The following CAST variants were observed in gnomAD, a reference collection of about 807,000 sequenced individuals.
CAST encodes MIR583 host.
Under a neutral mutation model 119.6 loss-of-function variants are expected in CAST, and 76 were observed. That is an observed-to-expected ratio of 0.64 (90% CI 0.53 to 0.77). The LOEUF (loss-of-function observed/expected upper bound fraction) is 0.77. Among genes scored for constraint, CAST ranks in the 30% least tolerant of loss-of-function variants. CAST has a pLI of 0.00. For missense variants in CAST, 953 were observed against 946.5 expected, an observed-to-expected ratio of 1.01 and a Z score of -0.09; for synonymous variants, 319 against 331.6, an observed-to-expected ratio of 0.96 and a Z score of 0.41.
At chr5:96,397,032 T>C in the CAST span, among the ~76,000 whole-genome samples, 1 of 152,224 alleles carries the variant, frequency 6.6e-6, no homozygotes, top group Non-Finnish European at 1.5e-5. Context: ...TTTTGTTGGC[T>C]GAATAGGTTA....
chr5:96,543,739 T>A (rs1330512100), intron 1 of CAST, among the ~76,000 whole-genome samples: 1 of 152,226 alleles, frequency 6.6e-6, no homozygotes, highest in South Asian at 2.1e-4. Context: ...CATGTATGCC[T>A]ATGATCCATT....
At chr5:96,403,793 G>T in the CAST span, among the ~76,000 whole-genome samples, 8 of 152,090 alleles carry the variant, frequency 5.3e-5, no homozygotes, top group Non-Finnish European at 8.8e-5. Flanking sequence ...TTCTAACTTG[G>T]ACTTTCTAAC....
chr5:96,640,254 G>C (rs1436372079), intron 1 of CAST, among the ~76,000 whole-genome samples: 1 of 152,178 alleles, frequency 6.6e-6, no homozygotes, highest in Non-Finnish European at 1.5e-5. Context: ...ATTACGCTGG[G>C]CTTTATGCAT....
At chr5:96,004,265 A>G in the CAST span, among the ~76,000 whole-genome samples, 8 of 152,020 alleles carry the variant, frequency 5.3e-5, no homozygotes, top group Non-Finnish European at 1.2e-4. Context: ...GTGTAGATAC[A>G]TTATATACAG....
chr5:96,116,625 C>T, the CAST span, among the ~76,000 whole-genome samples: 6 of 152,034 alleles, frequency 3.9e-5, no homozygotes, highest in Non-Finnish European at 7.4e-5. Context: ...GTTTACTGGT[C>T]GTTCTTGTTG....
chr5:96,182,874 T>C, the CAST span, among the ~76,000 whole-genome samples: 149 of 152,200 alleles, frequency 9.8e-4, 1 homozygote, highest in African/African-American at 3.4e-3. Flanking sequence ...CATGGTGGCT[T>C]ACGCCTGTAA....
At chr5:96,619,455 T>C (rs571314237) in intron 1 of CAST, among the ~76,000 whole-genome samples, 2 of 152,314 alleles carry the variant, frequency 1.3e-5, no homozygotes, top group Non-Finnish European at 2.9e-5. Flanking sequence ...ATCAGCAGGA[T>C]GTGGGTGGGG....
At chr5:96,708,357 C>T (rs1404221313) in intron 3 of CAST, among the ~76,000 whole-genome samples, 2 of 152,130 alleles carry the variant, frequency 1.3e-5, no homozygotes, top group African/African-American at 4.8e-5. Context: ...ATCTATCTTG[C>T]AGTCGCTTAA....
chr5:96,338,904 G>A, the CAST span, among the ~76,000 whole-genome samples: 1 of 152,114 alleles, frequency 6.6e-6, no homozygotes, highest in Non-Finnish European at 1.5e-5. Flanking sequence ...TCTGTAGATG[G>A]TTTGGTTTTT....
chr5:96,255,618 G>A, the CAST span, among the ~76,000 whole-genome samples: 1 of 152,028 alleles, frequency 6.6e-6, no homozygotes, highest in African/African-American at 2.4e-5. Flanking sequence ...TTTAATGGAT[G>A]ATGACCACAG....
At chr5:96,452,020 G>A in the CAST span, among the ~76,000 whole-genome samples, 1 of 152,298 alleles carries the variant, frequency 6.6e-6, no homozygotes, top group East Asian at 1.9e-4. Flanking sequence ...TGGAGAAATA[G>A]GAACACTTTC....
chr5:96,254,266 A>G, the CAST span, among the ~76,000 whole-genome samples: 1 of 152,158 alleles, frequency 6.6e-6, no homozygotes, highest in South Asian at 2.1e-4. Context: ...CAAAACTACC[A>G]TATATATTTT....
chr5:96,083,530 C>A, the CAST span, among the ~76,000 whole-genome samples: 1 of 152,184 alleles, frequency 6.6e-6, no homozygotes, highest in African/African-American at 2.4e-5. Flanking sequence ...AAGTTTACTG[C>A]TAGATTTACA....
the CAST span, among the ~76,000 whole-genome samples, chr5:96,090,061 A>G: frequency 6.6e-6 from 1 of 152,162 alleles, no homozygotes; most frequent in Non-Finnish European, 1.5e-5. Flanking sequence ...AAAGAGATTA[A>G]TAGTATCTCA....
At chr5:96,758,470 G>C (rs956201773) in intron 24 of CAST, among the ~76,000 whole-genome samples, 50 of 152,114 alleles carry the variant, frequency 3.3e-4, no homozygotes, top group Non-Finnish European at 8.8e-5. Context: ...ACCTTTTCTT[G>C]TGGGGTCTGG....
At chr5:96,707,879 A>G (rs1211902571) in intron 3 of CAST, among the ~76,000 whole-genome samples, 3 of 151,946 alleles carry the variant, frequency 2.0e-5, no homozygotes, top group Non-Finnish European at 4.4e-5. Flanking sequence ...AGTGTGAGCT[A>G]TGAGTGCTGT....
chr5:96,303,359 T>C, the CAST span, among the ~76,000 whole-genome samples: 1 of 152,138 alleles, frequency 6.6e-6, no homozygotes, highest in African/African-American at 2.4e-5. Flanking sequence ...TCATATACAG[T>C]CTTAACAGTT....
chr5:96,095,123 T>A, the CAST span, among the ~76,000 whole-genome samples: 1 of 152,220 alleles, frequency 6.6e-6, no homozygotes, highest in African/African-American at 2.4e-5. Flanking sequence ...AGGCTGTATC[T>A]TGTGTCAGTC....
chr5:95,970,316 A>G, the CAST span: 1 of 152,268 alleles, frequency 6.6e-6, no homozygotes, highest in African/African-American at 2.4e-5. Flanking sequence ...AAAGAGAACA[A>G]AAGAGATTAC....
Sources: gnomAD v4.1 joint callset for allele counts (sites outside exome capture counted in the v4.1 genomes callset) on GRCh38, gnomAD v4.1.1 for gene constraint, MANE v1.5 for transcripts, NCBI Gene and HGNC (gene_info 2026-07-23, HGNC 2026-07-21) for gene names.